ACBD3: variants seen among roughly 807,000 people sequenced by gnomAD.
ACBD3 encodes acyl-CoA binding domain containing 3, also known as Golgi resident protein GCP60.
Under a neutral mutation model 66.9 loss-of-function variants are expected in ACBD3, and 30 were observed. The ratio of observed to expected loss-of-function variants is 0.45; its 90% confidence interval spans 0.34 to 0.61. The LOEUF (loss-of-function observed/expected upper bound fraction) is 0.61, where lower values mean the gene tolerates loss of function less well. ACBD3 is among the 20% of genes least tolerant of loss of function. The pLI is 0.02. For missense variants in ACBD3, 544 were observed against 664.5 expected (o/e 0.82, Z 1.99); for synonymous variants, 278 against 259.8 (o/e 1.07, Z -0.68).
chr1:226,161,736 T>G (rs1295950141), intron 3 of ACBD3, 47 bp from the exon 4 acceptor site: 1 of 1,504,418 alleles, frequency 6.6e-7, no homozygotes, highest in Non-Finnish European at 8.8e-7. Flanking sequence ...GAATCCTGTT[T>G]AAAAATAAAA....
chr1:226,153,005 A>G (rs1340951791), intron 6 of ACBD3, among the ~76,000 whole-genome samples: 1 of 152,248 alleles, frequency 6.6e-6, no homozygotes, highest in South Asian at 2.1e-4. Context: ...GTGGATGTGA[A>G]CAAAGAAAGC....
intron 1 of ACBD3, among the ~76,000 whole-genome samples, chr1:226,183,470 CCA>C (rs1323817819): frequency 1.3e-5 from 2 of 151,520 alleles, no homozygotes; most frequent in African/African-American, 2.4e-5. Context: ...GCAAAAGCTA[CCA>C]CACCCGGCCG....
At chr1:226,146,898 CT>C (rs1576226994) in intron 7 of ACBD3, 77 bp from the exon 8 acceptor site, 9 of 1,401,808 alleles carry the variant, frequency 6.4e-6, no homozygotes, top group African/African-American at 4.3e-5. Flanking sequence ...TCTATCCTTT[CT>C]TTTTTTTCTG....
chr1:226,172,353 C>T (rs1250852425), intron 1 of ACBD3, among the ~76,000 whole-genome samples: 1 of 151,968 alleles, frequency 6.6e-6, no homozygotes, highest in Non-Finnish European at 1.5e-5. Flanking sequence ...ACAGTATATC[C>T]ATTCTTGTGA....
intron 3 of ACBD3, among the ~76,000 whole-genome samples, chr1:226,163,639 T>C (rs897788986): frequency 6.6e-6 from 1 of 152,238 alleles, no homozygotes; most frequent in Admixed American, 6.5e-5. Context: ...ATAAAAATTG[T>C]ACATCATACT....
At chr1:226,165,298 G>C (rs1046751193) in intron 2 of ACBD3, among the ~76,000 whole-genome samples, 2 of 151,908 alleles carry the variant, frequency 1.3e-5, no homozygotes, top group Admixed American at 6.6e-5. Flanking sequence ...AGCCTCCCGA[G>C]TAGGTAGGAT....
chr1:226,181,643 A>G (rs188645937), intron 1 of ACBD3, among the ~76,000 whole-genome samples: 10 of 152,346 alleles, frequency 6.6e-5, no homozygotes, highest in Admixed American at 3.3e-4. Context: ...TAATGTACAT[A>G]CAGTTTTTGG....
chr1:226,154,803 C>G lies in ACBD3; in HGVS notation c.934G>C (p.Val312Leu). Residue 312 changes from valine (V) to leucine (L), a missense_variant, in exon 6 of 8, where the codon GTG becomes CTG. By Grantham distance (32) the Val-to-Leu change is conservative. Coordinates refer to ENST00000366812, the MANE Select transcript of ACBD3 (RefSeq NM_022735.4). ...GATGTAGGCAAGGAAGACCCAGCCACTACTACTTCCTGTTGTTTCTGTAAT... is the reference window on the plus strand; with the variant it reads ...GATGTAGGCAAGGAAGACCCAGCCAGTACTACTTCCTGTTGTTTCTGTAAT... ...AALQKQQEVV[V>L]AGSSLPTSSK... 6.2e-7 allele frequency: 1 copy of G among 1,610,628 alleles called. No homozygotes were observed. Among genetic ancestry groups the G allele is most frequent in the Non-Finnish European group, 8.5e-7 (1 of 1,178,276 alleles).
At chr1:226,155,654 A>C (rs1659658117) in intron 5 of ACBD3, among the ~76,000 whole-genome samples, 1 of 152,186 alleles carries the variant, frequency 6.6e-6, no homozygotes, top group Non-Finnish European at 1.5e-5. Context: ...CAATAAAAAA[A>C]TCAAATATGG....
At chr1:226,175,019 T>A (rs1258252455) in intron 1 of ACBD3, among the ~76,000 whole-genome samples, 2 of 138,318 alleles carry the variant, frequency 1.4e-5, no homozygotes, top group Non-Finnish European at 3.0e-5. Context: ...CGCTTGAACC[T>A]GGGAGGCGGA....
rs745650616 is a variant in ACBD3 at position 226,152,339 on chromosome 1, T to C, written c.1371A>G (p.Glu457=). Residue 457 remains glutamate, a synonymous_variant, in exon 7 of 8, where the codon GAA becomes GAG. Transcript: ENST00000366812. Reference sequence around the variant, plus strand: ...AATATGGACCAAGGGTTCTACCTTCTTCCTCCTCGTCGTCATCGCTGGACT... The same window carrying C: ...AATATGGACCAAGGGTTCTACCTTCCTCCTCCTCGTCGTCATCGCTGGACT... ...VSESSDDDEE[E]EENIGCEEKA... 5 of 1,613,880 alleles carry C rather than the reference T, an allele frequency of 3.1e-6. No homozygotes were observed. In the South Asian group the frequency reaches 4.4e-5, roughly 14 times the overall value.
chr1:226,172,958 C>CAACA (rs763608324), intron 1 of ACBD3, among the ~76,000 whole-genome samples: 39 of 150,662 alleles, frequency 2.6e-4, no homozygotes, highest in South Asian at 4.2e-4. Flanking sequence ...CCTGTCTAAA[C>CAACA]AACAAACAAA....
chr1:226,159,982 G>C (rs375811117), intron 4 of ACBD3, among the ~76,000 whole-genome samples: 1 of 151,726 alleles, frequency 6.6e-6, no homozygotes, highest in Non-Finnish European at 1.5e-5. Flanking sequence ...AAAAATTAAG[G>C]GTCCACAGCA....
intron 3 of ACBD3, among the ~76,000 whole-genome samples, chr1:226,163,067 C>T (rs1041872539): frequency 1.3e-5 from 2 of 152,038 alleles, no homozygotes; most frequent in African/African-American, 4.8e-5. Flanking sequence ...TCCCCAAGTG[C>T]TGAGATTACA....
intron 5 of ACBD3, among the ~76,000 whole-genome samples, chr1:226,158,673 T>C (rs1387651593): frequency 6.6e-6 from 1 of 152,200 alleles, no homozygotes; most frequent in Non-Finnish European, 1.5e-5. Context: ...AGCAAAATAC[T>C]TGGGGGCAGG....
intron 7 of ACBD3, among the ~76,000 whole-genome samples, chr1:226,150,127 T>C (rs1479422166): frequency 6.7e-6 from 1 of 149,614 alleles, no homozygotes; most frequent in Non-Finnish European, 1.5e-5. Flanking sequence ...TGTGATCATA[T>C]AGCTCACTAC....
At chr1:226,157,990 T>C (rs1374223603) in intron 5 of ACBD3, among the ~76,000 whole-genome samples, 1 of 152,150 alleles carries the variant, frequency 6.6e-6, no homozygotes, top group Non-Finnish European at 1.5e-5. Context: ...AGCAGGAAAA[T>C]GGAAGTGAAA....
At chr1:226,181,459 CTACTA>C (rs201572970) in intron 1 of ACBD3, among the ~76,000 whole-genome samples, 3,845 of 152,292 alleles carry the variant, frequency 0.025, 56 homozygotes, top group Non-Finnish European at 0.04. Context: ...ATATAATACT[CTACTA>C]TCAGTAACAC....
At chr1:226,150,838 G>C (rs1279824732) in intron 7 of ACBD3, among the ~76,000 whole-genome samples, 4 of 152,178 alleles carry the variant, frequency 2.6e-5, no homozygotes, top group African/African-American at 4.8e-5. Context: ...CTAGAATCTG[G>C]ACCTGTGGTA....
Sources: allele counts gnomAD v4.1 joint callset (sites outside exome capture counted in the v4.1 genomes callset), GRCh38; gene constraint gnomAD v4.1.1; transcripts MANE v1.5; gene names NCBI Gene and HGNC (gene_info 2026-07-23, HGNC 2026-07-21).